The following ACACA variants were observed in gnomAD, a reference collection of about 807,000 sequenced individuals.
The protein encoded by ACACA is acetyl-CoA carboxylase alpha.
Under a neutral mutation model 296.1 loss-of-function variants are expected in ACACA, and 103 were observed. The ratio of observed to expected loss-of-function variants is 0.35; its 90% CI spans 0.30 to 0.41. The LOEUF is 0.41. ACACA is among the 10% of genes least tolerant of loss of function. ACACA has a pLI of 1.00. For missense variants in ACACA, 1,554 were observed against 2,989.7 expected (o/e 0.52, Z 11.20); for synonymous variants, 953 against 1,038.6 (o/e 0.92, Z 1.58).
At chr17:37,308,525 T>C (rs989989756) in intron 3 of ACACA, among the ~76,000 whole-genome samples, 3 of 152,204 alleles carry the variant, frequency 2.0e-5, no homozygotes, top group Non-Finnish European at 4.4e-5. Context: ...GCCAATAAAT[T>C]TGAAATGTTA....
intron 3 of ACACA, among the ~76,000 whole-genome samples, chr17:37,312,066 C>T (rs1480735105): frequency 6.6e-6 from 1 of 151,836 alleles, no homozygotes; most frequent in Admixed American, 6.6e-5. Context: ...GCCTGGACAA[C>T]ACAGCAAGAC....
At chr17:37,210,558 G>A (rs529177716) in intron 29 of ACACA, 68 bp from the exon 30 acceptor site, 250 of 1,469,558 alleles carry the variant, frequency 1.7e-4, no homozygotes, top group Non-Finnish European at 2.3e-4. Context: ...AATTGTCAGA[G>A]CAGATATAGA....
At chr17:37,366,776 C>T (rs1046911960) in intron 1 of ACACA, among the ~76,000 whole-genome samples, 2 of 140,756 alleles carry the variant, frequency 1.4e-5, no homozygotes, top group Admixed American at 1.3e-4. Context: ...CACAATGTCA[C>T]GTCTTTTTAA....
chr17:37,298,497 C>T (rs2083461842), intron 3 of ACACA, among the ~76,000 whole-genome samples: 1 of 151,978 alleles, frequency 6.6e-6, no homozygotes, highest in African/African-American at 2.4e-5. Context: ...GCCTGGGCAA[C>T]ACAGTGAGAC....
intron 9 of ACACA, among the ~76,000 whole-genome samples, chr17:37,271,831 G>A (rs1375341905): frequency 6.6e-6 from 1 of 151,662 alleles, no homozygotes; most frequent in Non-Finnish European, 1.5e-5. Flanking sequence ...AATTAGCTGG[G>A]CGTGGTACTG....
chr17:37,378,367 G>C (rs1485679986), intron 1 of ACACA, among the ~76,000 whole-genome samples: 2 of 152,218 alleles, frequency 1.3e-5, no homozygotes, highest in South Asian at 4.1e-4. Context: ...CAGCAGTGGA[G>C]TTTAGCAGGG....
intron 52 of ACACA, among the ~76,000 whole-genome samples, chr17:37,105,654 C>T (rs1254329724): frequency 6.6e-6 from 1 of 151,890 alleles, no homozygotes; most frequent in Non-Finnish European, 1.5e-5. Flanking sequence ...CACCTGAGGT[C>T]GGGAGTTCAA....
Position 37,244,683 on chromosome 17 carries a change from C to T in ACACA, c.2647G>A (p.Gly883Ser). Residue 883 changes from glycine (G) to serine (S), a missense_variant, in exon 21 of 56, where the codon GGC becomes AGC. Transcript: ENST00000616317. Reference protein sequence around the residue: ...LPRIQSTALRGEKLHRVFHYV... With the variant: ...LPRIQSTALRSEKLHRVFHYV... ...TGGAACACTCGATGGAGTTTCTCGC[C>T]TCTGAGTGCCGTGCTCTGGATCCGT... 1 of 1,614,118 alleles carries T rather than the reference C, an allele frequency of 6.2e-7. No individual in the cohort carries two copies. Among genetic ancestry groups the T allele is most frequent in the East Asian group, 2.2e-5 (1 of 44,882 alleles).
At chr17:37,401,823 G>A (rs1253238177) in intron 1 of ACACA, among the ~76,000 whole-genome samples, 2 of 152,136 alleles carry the variant, frequency 1.3e-5, no homozygotes, top group African/African-American at 2.4e-5. Context: ...GACTGTCAAA[G>A]TGTTGGGATT....
chr17:37,305,717 A>G (rs2083842475), intron 3 of ACACA, among the ~76,000 whole-genome samples: 1 of 152,158 alleles, frequency 6.6e-6, no homozygotes, highest in East Asian at 1.9e-4. Flanking sequence ...GAGCATGGAC[A>G]TCATCCACCA....
At position 37,100,311 on chromosome 17, in the gene ACACA, G is replaced by A. The variant is rs1481646170; in HGVS notation, c.6566-2327C>T. ...CAAAGGGGAAAATGGTAACTTTATCGTGGATTAACCTAGTGAACAACACCT... is the reference window on the plus strand; with the variant it reads ...CAAAGGGGAAAATGGTAACTTTATCATGGATTAACCTAGTGAACAACACCT... On this transcript the variant is annotated intron_variant, in intron 52 of 55. Transcript: ENST00000616317. 5.3e-5 allele frequency among the ~76,000 whole-genome samples: 8 copies of A among 152,066 alleles called. No homozygotes were observed. In the South Asian group the frequency reaches 6.2e-4, roughly 12 times the overall value.
At chr17:37,217,936 A>T (rs1399536928) in intron 29 of ACACA, among the ~76,000 whole-genome samples, 2 of 151,784 alleles carry the variant, frequency 1.3e-5, no homozygotes, top group African/African-American at 2.4e-5. Context: ...TGTTAACCTC[A>T]ATTGGGAAAA....
At chr17:37,108,442 G>C (rs1207598980) in intron 52 of ACACA, among the ~76,000 whole-genome samples, 1 of 151,596 alleles carries the variant, frequency 6.6e-6, no homozygotes, top group Non-Finnish European at 1.5e-5. Flanking sequence ...AGGCTGGAGT[G>C]CAATGGCGCG....
Position 37,181,237 on chromosome 17 carries a change from TG to T in ACACA, c.4895del (p.Thr1632LysfsTer15). 1 of 1,614,182 alleles carries T rather than the reference TG, an allele frequency of 6.2e-7. No homozygotes were observed. Among genetic ancestry groups the T allele is most frequent in the Non-Finnish European group, 8.5e-7 (1 of 1,180,014 alleles). On this transcript the variant is annotated frameshift_variant, in exon 40 of 56. Coordinates refer to ENST00000616317, the MANE Select transcript of ACACA (RefSeq NM_198834.3). LOFTEE classifies it high-confidence loss of function. ...SKRFQAQSLGTTYIYDIPEMF... is the reference protein window; with the variant it reads ...SKRFQAQSLGXTYIYDIPEMF... Reference sequence around the variant, plus strand: ...TCTCTGGGATATCATATATGTATGTTGTCCCTAAGGATTGTGCCTGGAACCT... The same window carrying T: ...TCTCTGGGATATCATATATGTATGTTTCCCTAAGGATTGTGCCTGGAACCT...
rs367965733 is a variant in ACACA, at chr17:37,292,443, C to CA, written c.339-7474dup. ...CTCTCAAGGGAAAGCCAGAAGTTAA[C>CA]AAAAAAAAGGCATTCTATAAGCAAG... On this transcript the variant is annotated intron_variant, in intron 3 of 55. Transcript: ENST00000616317. Among the ~76,000 whole-genome samples, 218 of 151,048 alleles carry CA rather than the reference C, an allele frequency of 1.4e-3. 1 individual carries two copies. The highest frequency in any genetic ancestry group is 5.0e-3 in the African/African-American group (206 of 41,208).
At chr17:37,284,281 G>A (rs80315136) in intron 4 of ACACA, among the ~76,000 whole-genome samples, 1,597 of 152,236 alleles carry the variant, frequency 0.01, 34 homozygotes, top group African/African-American at 0.035. Context: ...AAGTCACAGT[G>A]TATCAAACTC....
chr17:37,388,155 G>GA (rs552889702), intron 1 of ACACA, among the ~76,000 whole-genome samples: 94 of 151,804 alleles, frequency 6.2e-4, no homozygotes, highest in Non-Finnish European at 4.3e-4. Flanking sequence ...GCCAGAGTGA[G>GA]AAAAAAAATG....
chr17:37,390,330 A>ATATCTATATC (rs1555672373), intron 1 of ACACA, among the ~76,000 whole-genome samples: 1 of 41,578 alleles, frequency 2.4e-5, no homozygotes, highest in African/African-American at 1.3e-4. Flanking sequence ...ATATATATAT[A>ATATCTATATC]TATAAAAGGC....
At chr17:37,138,352 C>T (rs1214419202) in intron 45 of ACACA, among the ~76,000 whole-genome samples, 1 of 152,330 alleles carries the variant, frequency 6.6e-6, no homozygotes, top group East Asian at 1.9e-4. Flanking sequence ...AGTCTGTGCA[C>T]AGCCAGGGCC....
Sources: gnomAD v4.1 joint callset for allele counts (sites outside exome capture counted in the v4.1 genomes callset) on GRCh38, gnomAD v4.1.1 for gene constraint, MANE v1.5 for transcripts, NCBI Gene and HGNC (gene_info 2026-07-23, HGNC 2026-07-21) for gene names.